Variants in BEND3 observed in about 807,000 individuals in gnomAD.
The protein encoded by BEND3 is BEN domain-containing protein 3.
A neutral mutation model predicts 60.1 loss-of-function variants in BEND3; 13 were observed. The observed-to-expected ratio is 0.22, with a 90% CI of 0.14 to 0.34. BEND3 has a LOEUF of 0.34. Ranked by LOEUF, BEND3 falls within the 10% of genes least tolerant of loss-of-function variation. The pLI, the probability that BEND3 is intolerant of heterozygous loss-of-function variation, is 1.00. For missense variants in BEND3, 896 were observed against 1,138.1 expected (o/e 0.79, Z 3.06); for synonymous variants, 497 against 491.5 (o/e 1.01, Z -0.15).
rs369913232 is a variant in BEND3 at position 107,082,365 on chromosome 6, G to T, written c.241-11415C>A. Among the ~76,000 whole-genome samples, 9 of 152,296 alleles carry T rather than the reference G, an allele frequency of 5.9e-5. No individual in the cohort carries two copies. In the South Asian group the frequency reaches 1.9e-3, roughly 32 times the overall value. On this transcript the variant is annotated intron_variant, in intron 3 of 3. Transcript: ENST00000369042. Reference sequence around the variant, plus strand: ...TATTCCAGACTACCCAGCCCTGAATGTGTCAGGCCAAATCAGAACCACCAG... The same window carrying T: ...TATTCCAGACTACCCAGCCCTGAATTTGTCAGGCCAAATCAGAACCACCAG...
rs572740543 is a variant in BEND3, at chr6:107,087,955, A to G, written c.240+10596T>C. On this transcript the variant is annotated intron_variant, in intron 3 of 3. Coordinates refer to ENST00000369042, the MANE Select transcript of BEND3 (RefSeq NM_001367314.1). ...CTGAAATTCTAAGAAACAATAAAAA[A>G]GAAAGGCTAGTGATAAAAAAAAAAA... 9.4e-4 allele frequency among the ~76,000 whole-genome samples: 122 copies of G among 129,656 alleles called. 4 individuals carry two copies. The South Asian group carries it at 0.032, about 34-fold the overall frequency. The allele number at this position is 129,656 out of a possible 152,430, so 85.1% of individuals were successfully genotyped here.
intron 3 of BEND3, among the ~76,000 whole-genome samples, chr6:107,071,166 G>T (rs782372465): frequency 1.3e-5 from 2 of 152,218 alleles, no homozygotes; most frequent in Non-Finnish European, 2.9e-5. Flanking sequence ...CATTCCCTGA[G>T]AAAAGACTCA....
intron 3 of BEND3, among the ~76,000 whole-genome samples, chr6:107,080,368 A>C (rs1183848457): frequency 2.0e-5 from 3 of 149,066 alleles, no homozygotes; most frequent in East Asian, 3.9e-4. Context: ...AAAAAAAAAA[A>C]AAAAAAAAAC....
At chr6:107,098,096 G>A (rs1775625525) in intron 3 of BEND3, among the ~76,000 whole-genome samples, 1 of 151,962 alleles carries the variant, frequency 6.6e-6, no homozygotes, top group Non-Finnish European at 1.5e-5. Flanking sequence ...GATCACTTGA[G>A]GCCAGGAGTT....
chr6:107,114,737 G>GGGCGGC (rs1335106925), intron 1 of BEND3, among the ~76,000 whole-genome samples: 16 of 146,184 alleles, frequency 1.1e-4, no homozygotes, highest in African/African-American at 3.7e-4. Context: ...CGAGTGGGGC[G>GGGCGGC]GGCGGCGGCG....
intron 1 of BEND3, among the ~76,000 whole-genome samples, chr6:107,107,493 C>T (rs920440052): frequency 6.6e-6 from 1 of 151,248 alleles, no homozygotes; most frequent in Non-Finnish European, 1.5e-5. Context: ...GACAAAGTCT[C>T]ATTCTGTCGC....
intron 3 of BEND3, among the ~76,000 whole-genome samples, chr6:107,074,789 A>G (rs564486314): frequency 6.6e-6 from 1 of 152,206 alleles, no homozygotes; most frequent in East Asian, 1.9e-4. Flanking sequence ...AGTAGATGAT[A>G]ACTGATTTTG....
At chr6:107,086,157 C>A (rs1775342443) in intron 3 of BEND3, among the ~76,000 whole-genome samples, 1 of 152,148 alleles carries the variant, frequency 6.6e-6, no homozygotes, top group African/African-American at 2.4e-5. Context: ...GGGGTTTTAT[C>A]AGAGCCTAAC....
chr6:107,074,021 T>G (rs1554232440), intron 3 of BEND3, among the ~76,000 whole-genome samples: 1 of 152,218 alleles, frequency 6.6e-6, no homozygotes, highest in Non-Finnish European at 1.5e-5. Flanking sequence ...CTTCCTTTAC[T>G]CAGGGTAAAT....
At position 107,114,723 on chromosome 6, in the gene BEND3, G is replaced by A. The variant is rs1770223252; in HGVS notation, c.-12+367C>T. Among the ~76,000 whole-genome samples the A allele has an allele frequency of 3.4e-5, 5 of 146,520 alleles. No individual in the cohort carries two copies. In the South Asian group the frequency reaches 1.0e-3, roughly 30 times the overall value. Reference sequence around the variant, plus strand: ...CGGCGGGGGTGCGGGGCCGGCGCGCGGCGCGAGTGGGGCGGGCGGCGGCGG... The same window carrying A: ...CGGCGGGGGTGCGGGGCCGGCGCGCAGCGCGAGTGGGGCGGGCGGCGGCGG... On this transcript the variant is annotated intron_variant, in intron 1 of 3. Transcript: ENST00000369042.
chr6:107,102,057 CAA>C (rs1387196863), intron 1 of BEND3, among the ~76,000 whole-genome samples: 1 of 152,098 alleles, frequency 6.6e-6, no homozygotes, highest in Non-Finnish European at 1.5e-5. Flanking sequence ...AGAAAAATTG[CAA>C]AGAGTCAAAG....
chr6:107,098,380 A>C (rs993201676), intron 3 of BEND3, among the ~76,000 whole-genome samples, 171 bp downstream of exon 3: 1 of 152,218 alleles, frequency 6.6e-6, no homozygotes, highest in Non-Finnish European at 1.5e-5. Context: ...AATTCCAGTT[A>C]AAGACAGACA....
In BEND3 at chr6:107,065,437, T is replaced by C. The variant is rs1722413295; in HGVS notation, c.*3267A>G. The stretch of plus-strand genomic sequence containing the variant: ...TATCCACTTTGTGCAGGGTCTGCTA[T>C]TACTAGGATGTCAGAAAAACATTAA... On this transcript the variant is annotated 3_prime_UTR_variant, in exon 4 of 4. Coordinates refer to ENST00000369042, the MANE Select transcript of BEND3 (RefSeq NM_001367314.1). The C allele has an allele frequency of 1.3e-5, 2 of 152,530 alleles. No homozygotes were observed. Among genetic ancestry groups the C allele is most frequent in the African/African-American group, 4.8e-5 (2 of 41,444 alleles). The allele number at this position is 152,530 out of a possible 1,614,324, so 9.4% of individuals were successfully genotyped here.
intron 3 of BEND3, among the ~76,000 whole-genome samples, chr6:107,075,906 C>A (rs1361153411): frequency 6.6e-6 from 1 of 152,164 alleles, no homozygotes; most frequent in African/African-American, 2.4e-5. Flanking sequence ...AACTGGGAAA[C>A]CCCCCATAAC....
chr6:107,113,218 G>C (rs189196671), intron 1 of BEND3, among the ~76,000 whole-genome samples: 1 of 151,536 alleles, frequency 6.6e-6, no homozygotes, highest in African/African-American at 2.4e-5. Flanking sequence ...CAGGCAGGCA[G>C]ATCACCTGAG....
At chr6:107,094,621 CATAAATAAATAAATAAATAAATAAATAA>C (rs144954565) in intron 3 of BEND3, among the ~76,000 whole-genome samples, 4 of 139,722 alleles carry the variant, frequency 2.9e-5, no homozygotes, top group African/African-American at 1.1e-4. Flanking sequence ...AACTCCATCT[CATAAATAAATAAATAAATAAATAAATAA>C]ATAAATAAAT....
In BEND3 at chr6:107,068,928, C is replaced by T; in HGVS notation, c.2263G>A (p.Glu755Lys). The stretch of plus-strand genomic sequence containing the variant: ...TGGTTGTACTGCAGCCGGAGGTTCT[C>T]GGCGGTGAAGAGTTCGGGAAACAGG... ...VRLFPELFTA[E>K]NLRLQYNHSG... The change falls in exon 4 of 4, where the codon GAG becomes AAG. Residue 755 changes from glutamate to lysine, a missense_variant. Physicochemically the swap from Glu to Lys is moderately conservative, Grantham distance 56. Around this residue, in one of 4 missense-constraint regions of BEND3, gnomAD observed 846 missense variants for 1,036.7 expected, o/e 0.82. Coordinates refer to ENST00000369042, the MANE Select transcript of BEND3 (RefSeq NM_001367314.1). This position sits in a 1 kb window ranked among gnomAD's most constrained non-coding sequence, Gnocchi z 5.8. 2 of 1,613,914 alleles carry T rather than the reference C, an allele frequency of 1.2e-6. No homozygotes were observed. Among genetic ancestry groups the T allele is most frequent in the Non-Finnish European group, 1.7e-6 (2 of 1,180,032 alleles).
chr6:107,089,364 C>T (rs1037282183), intron 3 of BEND3, among the ~76,000 whole-genome samples: 1 of 151,762 alleles, frequency 6.6e-6, no homozygotes, highest in African/African-American at 2.4e-5. Flanking sequence ...AGGCGGATCA[C>T]GACGTCAGGA....
rs1774886329 is a variant in BEND3, at chr6:107,068,779, G to A, written c.2412C>T (p.Ser804=). The change falls in exon 4 of 4, where the codon AGC becomes AGT. Residue 804 remains serine (S), a synonymous_variant. Transcript: ENST00000369042. The surrounding 1 kb of genome is among the most constrained non-coding windows in gnomAD (Gnocchi z 5.8). ...TGGGGCGGCGGCACCTCTCATCGAT[G>A]CTGGGGATACATTCGTAGTGCCACA... ...EEVWHYECIP[S]IDERCRRPNR... The A allele has an allele frequency of 1.2e-6, 2 of 1,613,980 alleles. No individual in the cohort carries two copies. Among genetic ancestry groups the A allele is most frequent in the African/African-American group, 2.7e-5 (2 of 74,940 alleles).
Sources: allele counts gnomAD v4.1 joint callset (sites outside exome capture counted in the v4.1 genomes callset), GRCh38; gene constraint gnomAD v4.1.1; regional missense constraint gnomAD v4.1.1; non-coding constraint Gnocchi (gnomAD v3.1); transcripts MANE v1.5; gene names NCBI Gene and HGNC (gene_info 2026-07-23, HGNC 2026-07-21).